SCAF8: variants seen among roughly 807,000 people sequenced by gnomAD.
The protein encoded by SCAF8 is SR-related CTD associated factor 8.
In SCAF8, 23 loss-of-function variants were observed where a neutral mutation model predicts 140.5. The observed-to-expected ratio is 0.16, with a 90% confidence interval of 0.12 to 0.23. The LOEUF (loss-of-function observed/expected upper bound fraction) is 0.23, where lower values mean the gene tolerates loss of function less well. Among genes scored for constraint, SCAF8 ranks in the 10% least tolerant of loss-of-function variants. SCAF8 has a pLI of 1.00. For missense variants in SCAF8, 1,397 were observed against 1,555.7 expected, an observed-to-expected ratio of 0.90 and a Z score of 1.72; for synonymous variants, 575 against 528.9, an observed-to-expected ratio of 1.09 and a Z score of -1.20.
chr6:154,757,080 C>T (rs113812261), intron 1 of SCAF8, among the ~76,000 whole-genome samples: 57 of 149,650 alleles, frequency 3.8e-4, no homozygotes, highest in African/African-American at 1.1e-3. Flanking sequence ...GGCTGGAGTG[C>T]GGTGGTGCAA....
chr6:154,733,968 A>AC (rs778757455), intron 1 of SCAF8, 38 bp downstream of exon 1: 1 of 1,502,554 alleles, frequency 6.7e-7, no homozygotes, highest in South Asian at 1.3e-5. Context: ...TCCTGCCCGC[A>AC]CCGCCCCCAC....
chr6:154,796,750 A>G (rs896899207), intron 6 of SCAF8, among the ~76,000 whole-genome samples: 2 of 152,156 alleles, frequency 1.3e-5, no homozygotes, highest in African/African-American at 4.8e-5. Context: ...ATGTAGGTGG[A>G]TCACTTGAGG....
chr6:154,827,837 G>T (rs969987997), intron 18 of SCAF8, among the ~76,000 whole-genome samples: 6 of 148,390 alleles, frequency 4.0e-5, no homozygotes, highest in East Asian at 1.9e-4. Context: ...GGCGGGGCGG[G>T]GGGGGGGGCG....
chr6:154,755,640 G>T (rs553335757), intron 1 of SCAF8, among the ~76,000 whole-genome samples: 1 of 152,166 alleles, frequency 6.6e-6, no homozygotes, highest in East Asian at 1.9e-4. Context: ...AGCTGTACAG[G>T]TTCCTGAGCT....
chr6:154,811,136 T>C (rs1778077138), intron 12 of SCAF8, among the ~76,000 whole-genome samples: 1 of 152,176 alleles, frequency 6.6e-6, no homozygotes, highest in Non-Finnish European at 1.5e-5. Context: ...CCTGATAATA[T>C]TGATTATCCT....
rs754358460 is a variant in SCAF8, at chr6:154,833,196, G to A, written c.3617G>A (p.Arg1206Gln). 2.2e-5 allele frequency: 35 copies of A among 1,613,890 alleles called. No homozygotes were observed. The highest frequency in any genetic ancestry group is 3.3e-5 in the Admixed American group (2 of 59,966). The change falls in exon 20 of 20, where the codon CGA becomes CAA. Residue 1206 changes from arginine to glutamine, a missense_variant. Physicochemically the swap from Arg to Gln is conservative, Grantham distance 43 (BLOSUM62 1). Around this residue, in one of 5 missense-constraint regions of SCAF8, gnomAD observed 930 missense variants for 874.6 expected, o/e 1.06. Coordinates refer to ENST00000367178, the MANE Select transcript of SCAF8 (RefSeq NM_014892.5). ...TATTTTGAAGGGGCCACTTCTCAAC[G>A]AAAAGGTGATAATGTGCCTCAGGTT... ...FDYFEGATSQ[R>Q]KGDNVPQVNG...
intron 1 of SCAF8, among the ~76,000 whole-genome samples, chr6:154,773,214 T>C (rs1208864285): frequency 2.0e-5 from 3 of 152,236 alleles, no homozygotes; most frequent in African/African-American, 7.2e-5. Context: ...TCATCAGCAA[T>C]GATTCCTCAT....
At position 154,746,657 on chromosome 6, in the gene SCAF8, A is replaced by AT. The variant is rs569512120; in HGVS notation, c.30+12727_30+12728insT. On this transcript the variant is annotated intron_variant, in intron 1 of 19. Transcript: ENST00000367178. The stretch of plus-strand genomic sequence containing the variant: ...AGAATTGCTAAAGCATATATCTGTA[A>AT]ACAAACCTATTAATTAGAGTTTGTT... 6.3e-3 allele frequency among the ~76,000 whole-genome samples: 967 copies of AT among 152,332 alleles called. 13 individuals are homozygous for AT. Among genetic ancestry groups the AT allele is most frequent in the African/African-American group, 0.022 (912 of 41,584 alleles).
chr6:154,756,078 C>G (rs1778959474), intron 1 of SCAF8, among the ~76,000 whole-genome samples: 1 of 152,030 alleles, frequency 6.6e-6, no homozygotes, highest in African/African-American at 2.4e-5. Flanking sequence ...CTTATACATC[C>G]CTCCCCCAGT....
In SCAF8 at chr6:154,810,092, C is replaced by G; in HGVS notation, c.1304C>G (p.Ser435Ter). ...CACAGAAAGCGATCACGCTCCCGCT[C>G]AAGAGAAAGAAAGAGGAAATCATCA... ...RKHRKRSRSR[S>*]RERKRKSSRS... Residue 435 changes from serine to a stop codon, truncating the protein, a stop_gained, in exon 12 of 20, where the codon TCA becomes TGA. Transcript: ENST00000367178. LOFTEE classifies it high-confidence loss of function. 1 of 1,613,568 alleles carries G rather than the reference C, an allele frequency of 6.2e-7. No homozygotes were observed. The highest frequency in any genetic ancestry group is 8.5e-7 in the Non-Finnish European group (1 of 1,179,832).
chr6:154,813,027 C>G (rs1321794255), intron 12 of SCAF8, among the ~76,000 whole-genome samples: 1 of 139,846 alleles, frequency 7.2e-6, no homozygotes, highest in African/African-American at 2.8e-5. Context: ...AGTGAGATGC[C>G]ATCACTACCG....
chr6:154,770,388 A>ACACACACTCTCTCTCTCTCT (rs1384942827), intron 1 of SCAF8, among the ~76,000 whole-genome samples: 2 of 141,918 alleles, frequency 1.4e-5, no homozygotes, highest in Non-Finnish European at 3.1e-5. Flanking sequence ...ACACACACAC[A>ACACACACTCTCTCTCTCTCT]CTCTCTCTCT....
intron 3 of SCAF8, among the ~76,000 whole-genome samples, chr6:154,780,245 T>TA (rs1163199269): frequency 6.6e-6 from 1 of 152,184 alleles, no homozygotes; most frequent in Non-Finnish European, 1.5e-5. Context: ...TTCAAAATGT[T>TA]ATATAAATTG....
rs1203467226 is a variant in SCAF8 at position 154,733,489 on chromosome 6, C to G, written c.-412C>G. On this transcript the variant is annotated 5_prime_UTR_variant, in exon 1 of 20. Transcript: ENST00000367178. ...GCCGAGCGGGGCTGGTTCCTGCGGC[C>G]CGAGCGGCGGGGAGGTGAAACAGGA... The G allele has an allele frequency of 2.3e-6, 3 of 1,328,950 alleles. No individual in the cohort carries two copies. Among genetic ancestry groups the G allele is most frequent in the South Asian group, 2.0e-5 (1 of 51,126 alleles). The allele number at this position is 1,328,950 out of a possible 1,614,324, so 82.3% of individuals were successfully genotyped here. A position where few individuals can be genotyped will look rare whatever the true frequency, so the allele number is the denominator to read the frequency against.
Position 154,833,243 on chromosome 6 carries a change from C to T in SCAF8, c.3664C>T (p.His1222Tyr). 6 of 1,613,980 alleles carry T rather than the reference C, an allele frequency of 3.7e-6. No individual in the cohort carries two copies. The highest frequency in any genetic ancestry group is 5.1e-6 in the Non-Finnish European group (6 of 1,179,990). ...GGTTAATGGTGAAAATACAGAGAGA[C>T]ATGCTCAGCCACCACCTATACCAGT... ...PQVNGENTER[H>Y]AQPPPIPVQN... Residue 1222 changes from histidine (H) to tyrosine (Y), a missense_variant, in exon 20 of 20, where the codon CAT (histidine) becomes TAT (tyrosine). His to Tyr is a moderately conservative substitution (Grantham distance 83). Coordinates refer to ENST00000367178, the MANE Select transcript of SCAF8 (RefSeq NM_014892.5).
intron 1 of SCAF8, among the ~76,000 whole-genome samples, chr6:154,741,252 T>G (rs941263499): frequency 6.6e-6 from 1 of 152,212 alleles, no homozygotes; most frequent in African/African-American, 2.4e-5. Flanking sequence ...CACACATCAT[T>G]AAATATAAAA....
intron 17 of SCAF8, among the ~76,000 whole-genome samples, chr6:154,826,094 ATGGT>A (rs1158054989): frequency 1.3e-5 from 2 of 152,180 alleles, no homozygotes; most frequent in Non-Finnish European, 2.9e-5. Flanking sequence ...AAATTTGAGA[ATGGT>A]TGTAATTTAT....
rs1778497068 is a variant in SCAF8 at position 154,824,157 on chromosome 6, A to G, written c.1927-77A>G. On this transcript the variant is annotated intron_variant, in intron 16 of 19. Transcript: ENST00000367178. ...TTTGTTACCATCCTGAAAGAGAAAT[A>G]GAATAATTTGCCTTTAGTTGTTCCA... The G allele has an allele frequency of 2.1e-6, 3 of 1,412,834 alleles. No individual in the cohort carries two copies. In the Admixed American group the frequency reaches 5.8e-5, roughly 27 times the overall value. The allele number at this position is 1,412,834 out of a possible 1,614,324, so 87.5% of individuals were successfully genotyped here.
chr6:154,809,980 A>G, intron 11 of SCAF8, 35 bp from the exon 12 acceptor site: 1 of 1,531,792 alleles, frequency 6.5e-7, no homozygotes, highest in South Asian at 1.2e-5. Flanking sequence ...GAAAGAAAAC[A>G]TTGTCATTAG....
Sources: gnomAD v4.1 joint callset for allele counts (sites outside exome capture counted in the v4.1 genomes callset) on GRCh38, gnomAD v4.1.1 for gene constraint, gnomAD v4.1.1 regional missense constraint, MANE v1.5 for transcripts, NCBI Gene and HGNC (gene_info 2026-07-23, HGNC 2026-07-21) for gene names.